IQGAP2: variants seen among roughly 807,000 people sequenced by gnomAD.
IQGAP2 encodes the protein ras GTPase-activating-like protein IQGAP2.
Under a neutral mutation model 201.3 loss-of-function variants are expected in IQGAP2, and 173 were observed. The observed-to-expected ratio is 0.86, with a 90% CI of 0.76 to 0.98. The LOEUF (loss-of-function observed/expected upper bound fraction) is 0.98. IQGAP2 is among the 50% of genes least tolerant of loss of function. The pLI is 0.00. For missense variants in IQGAP2, 1,687 were observed against 1,864.8 expected, an observed-to-expected ratio of 0.90 and a Z score of 1.76; for synonymous variants, 675 against 673.9, an observed-to-expected ratio of 1.00 and a Z score of -0.03.
intron 1 of IQGAP2, among the ~76,000 whole-genome samples, chr5:76,414,202 T>C (rs1751291361): frequency 6.6e-6 from 1 of 152,230 alleles, no homozygotes; most frequent in Non-Finnish European, 1.5e-5. Flanking sequence ...CAGCCAGTCT[T>C]GGTCCTTGAG....
intron 2 of IQGAP2, among the ~76,000 whole-genome samples, chr5:76,500,331 A>C (rs1297752676): frequency 1.3e-5 from 2 of 152,248 alleles, no homozygotes; most frequent in Admixed American, 1.3e-4. Context: ...TGTTCTTCCC[A>C]TAGCTAGACT....
chr5:76,592,334 GCTGT>G (rs1175806303), intron 8 of IQGAP2, among the ~76,000 whole-genome samples: 8 of 152,122 alleles, frequency 5.3e-5, no homozygotes, highest in Admixed American at 5.2e-4. Context: ...ACCAAATCCT[GCTGT>G]CTGTTTCCTA....
intron 1 of IQGAP2, among the ~76,000 whole-genome samples, chr5:76,429,341 G>C (rs930008086): frequency 2.0e-5 from 3 of 151,644 alleles, no homozygotes; most frequent in African/African-American, 7.3e-5. Context: ...GGGAGGCTGA[G>C]GTGGGCAGAT....
intron 34 of IQGAP2, among the ~76,000 whole-genome samples, chr5:76,702,224 C>T (rs373761527): frequency 6.6e-6 from 1 of 152,178 alleles, no homozygotes; most frequent in African/African-American, 2.4e-5. Flanking sequence ...AGAGCAAGGA[C>T]CGTATCTTCT....
At chr5:76,486,509 A>T (rs1300299166) in intron 2 of IQGAP2, among the ~76,000 whole-genome samples, 11 of 152,188 alleles carry the variant, frequency 7.2e-5, no homozygotes, top group African/African-American at 4.8e-5. Context: ...TCAATTTCAG[A>T]CCTTAAGCAC....
intron 5 of IQGAP2, among the ~76,000 whole-genome samples, chr5:76,586,675 G>T (rs1580525630): frequency 6.7e-6 from 1 of 148,732 alleles, no homozygotes. Context: ...GCCCATCGGG[G>T]TTCTTAGGTT....
intron 1 of IQGAP2, among the ~76,000 whole-genome samples, chr5:76,430,975 AT>A (rs2150091414): frequency 6.6e-6 from 1 of 152,334 alleles, no homozygotes; most frequent in South Asian, 2.1e-4. Flanking sequence ...AGGTAGCTCT[AT>A]ATGTAATTAT....
intron 26 of IQGAP2, 39 bp from the exon 27 acceptor site, chr5:76,674,438 C>G (rs1280045251): frequency 8.2e-7 from 1 of 1,224,528 alleles, no homozygotes; most frequent in Non-Finnish European, 1.2e-6. Context: ...CTTGAGTTTT[C>G]TCTCTTAAAA....
At chr5:76,675,707 T>C (rs748278376) in intron 27 of IQGAP2, among the ~76,000 whole-genome samples, 4 of 152,208 alleles carry the variant, frequency 2.6e-5, no homozygotes, top group Non-Finnish European at 1.5e-5. Context: ...TTCTCATTCC[T>C]CGGTCTCCCT....
At chr5:76,661,942 G>A (rs1296692257) in intron 21 of IQGAP2, among the ~76,000 whole-genome samples, 1 of 152,174 alleles carries the variant, frequency 6.6e-6, no homozygotes, top group Non-Finnish European at 1.5e-5. Flanking sequence ...ACTGAGATGG[G>A]GGACTATCAT....
At chr5:76,707,105 T>C in intron 35 of IQGAP2, 95 bp from the exon 36 acceptor site, 2 of 703,196 alleles carry the variant, frequency 2.8e-6, no homozygotes, top group South Asian at 1.7e-5. Flanking sequence ...ATTAGGTCAA[T>C]TGAATCTGAC....
intron 2 of IQGAP2, among the ~76,000 whole-genome samples, chr5:76,551,857 G>C (rs532850297): frequency 6.8e-6 from 1 of 147,264 alleles, no homozygotes; most frequent in African/African-American, 2.5e-5. Context: ...AGAGGGAGAC[G>C]GGAGAGGGAG....
At position 76,562,274 on chromosome 5, in the gene IQGAP2, G is replaced by A. The variant is rs114719298; in HGVS notation, c.147-122G>A. ...GTCTTCCCTTCCCACCAGTGACACC[G>A]AAAGATGTTTCAGATCCTTCTTCCT... On this transcript the variant is annotated intron_variant, in intron 2 of 35. Transcript: ENST00000274364. 2.5e-3 allele frequency: 1,729 copies of A among 688,830 alleles called. 21 individuals are homozygous for A. In the African/African-American group the frequency reaches 0.027, roughly 11 times the overall value. The allele number at this position is 688,830 out of a possible 1,614,324, so 42.7% of individuals were successfully genotyped here.
intron 4 of IQGAP2, among the ~76,000 whole-genome samples, chr5:76,575,306 G>A (rs1312187675): frequency 6.6e-6 from 1 of 152,118 alleles, no homozygotes; most frequent in Non-Finnish European, 1.5e-5. Flanking sequence ...CAATAAAGTG[G>A]CTAATAACAA....
chr5:76,470,836 A>G (rs1207585578), intron 2 of IQGAP2, among the ~76,000 whole-genome samples: 2 of 152,174 alleles, frequency 1.3e-5, no homozygotes, highest in Non-Finnish European at 2.9e-5. Context: ...AGCTAACTTT[A>G]TAGCTTCTTT....
intron 17 of IQGAP2, among the ~76,000 whole-genome samples, chr5:76,646,721 T>G (rs867056126): frequency 6.6e-6 from 1 of 152,246 alleles, no homozygotes; most frequent in Non-Finnish European, 1.5e-5. Flanking sequence ...TAAGGTTTTT[T>G]TTTGAGGGCA....
intron 1 of IQGAP2, among the ~76,000 whole-genome samples, chr5:76,408,994 G>A (rs557685225): frequency 1.3e-5 from 2 of 151,774 alleles, no homozygotes; most frequent in Non-Finnish European, 2.9e-5. Context: ...GGGTTTCCCC[G>A]TGTGGTCAGG....
chr5:76,449,171 G>A (rs1047676422), intron 1 of IQGAP2, among the ~76,000 whole-genome samples: 1 of 152,178 alleles, frequency 6.6e-6, no homozygotes, highest in African/African-American at 2.4e-5. Flanking sequence ...GGACAGAAAT[G>A]TGCCTTGATG....
chr5:76,554,935 AAATAAATGTG>A (rs1743833117), intron 2 of IQGAP2, among the ~76,000 whole-genome samples: 1 of 152,236 alleles, frequency 6.6e-6, no homozygotes, highest in African/African-American at 2.4e-5. Context: ...ATGAATAAAT[AAATAAATGTG>A]ATATATCCAT....
Sources: allele counts gnomAD v4.1 joint callset (sites outside exome capture counted in the v4.1 genomes callset), GRCh38; gene constraint gnomAD v4.1.1; transcripts MANE v1.5; gene names NCBI Gene and HGNC (gene_info 2026-07-23, HGNC 2026-07-21).